The following CDH10 variants were observed in gnomAD, a reference collection of about 807,000 sequenced individuals.
CDH10 encodes cadherin-10.
CDH10 carries 30 observed loss-of-function variants against 73.1 expected under a neutral mutation model. The ratio of observed to expected loss-of-function variants is 0.41; its 90% CI spans 0.31 to 0.56. CDH10 has a LOEUF of 0.56. Among genes scored for constraint, CDH10 ranks in the 20% least tolerant of loss-of-function variants. CDH10 has a pLI of 0.27. For missense variants in CDH10, 815 were observed against 973.7 expected, an observed-to-expected ratio of 0.84 and a Z score of 2.17; for synonymous variants, 345 against 348.2, an observed-to-expected ratio of 0.99 and a Z score of 0.10.
intron 8 of CDH10, among the ~76,000 whole-genome samples, chr5:24,501,113 G>A (rs1201339892): frequency 6.6e-6 from 1 of 152,088 alleles, no homozygotes; most frequent in African/African-American, 2.4e-5. Context: ...TAATTATATA[G>A]TGAGTGGACA....
At chr5:24,502,078 T>C (rs950616890) in intron 8 of CDH10, among the ~76,000 whole-genome samples, 27 of 134,782 alleles carry the variant, frequency 2.0e-4, no homozygotes, top group Non-Finnish European at 3.5e-4. Flanking sequence ...CGCCACTACG[T>C]CCGGCTCATT....
At chr5:24,602,701 T>C (rs369389967) in intron 1 of CDH10, among the ~76,000 whole-genome samples, 3 of 152,274 alleles carry the variant, frequency 2.0e-5, no homozygotes, top group Middle Eastern at 6.8e-3. Flanking sequence ...AAATTTCTTT[T>C]TGAGTTTATT....
At chr5:24,506,244 C>T (rs1368950458) in intron 7 of CDH10, among the ~76,000 whole-genome samples, 3 of 152,052 alleles carry the variant, frequency 2.0e-5, no homozygotes, top group Admixed American at 2.0e-4. Flanking sequence ...AACTATCCTG[C>T]AACTTGATTG....
intron 7 of CDH10, among the ~76,000 whole-genome samples, chr5:24,508,086 G>A (rs139433309): frequency 3.9e-5 from 6 of 152,254 alleles, no homozygotes; most frequent in Non-Finnish European, 5.9e-5. Flanking sequence ...GTAAGAGTGC[G>A]CTCAGAAAGT....
Position 24,522,925 on chromosome 5 carries a change from A to C in CDH10, c.815-11411T>G, listed in dbSNP as rs536946081. Among the ~76,000 whole-genome samples the C allele has an allele frequency of 7.2e-3, 1,102 of 152,314 alleles. 13 individuals are homozygous for C. The highest frequency in any genetic ancestry group is 0.026 in the African/African-American group (1,061 of 41,560). On this transcript the variant is annotated intron_variant, in intron 5 of 11. Coordinates refer to ENST00000264463, the MANE Select transcript of CDH10 (RefSeq NM_006727.5). ...CAGTTTGTGTCTTAAACAATAAAAA[A>C]AATTTCATACATTTAGTGCTGTAGT...
At chr5:24,640,946 C>T (rs1177883818) in intron 1 of CDH10, among the ~76,000 whole-genome samples, 2 of 151,800 alleles carry the variant, frequency 1.3e-5, no homozygotes, top group East Asian at 1.9e-4. Flanking sequence ...GAGAGTTAAG[C>T]AAAAGTTGTA....
intron 1 of CDH10, among the ~76,000 whole-genome samples, chr5:24,596,155 T>C (rs1314277223): frequency 6.6e-6 from 1 of 152,034 alleles, no homozygotes; most frequent in African/African-American, 2.4e-5. Flanking sequence ...CTGCAGTTAG[T>C]TCTTCCTAGT....
At chr5:24,500,324 G>A (rs1289469049) in intron 8 of CDH10, among the ~76,000 whole-genome samples, 1 of 152,154 alleles carries the variant, frequency 6.6e-6, no homozygotes, top group African/African-American at 2.4e-5. Flanking sequence ...AATAAAGAAA[G>A]GCAGACAGAA....
chr5:24,493,051 C>T, intron 9 of CDH10, 126 bp from the exon 10 acceptor site: 1 of 565,804 alleles, frequency 1.8e-6, no homozygotes, highest in Non-Finnish European at 3.2e-6. Flanking sequence ...TGAATGTATC[C>T]TTGAGTTAAT....
At chr5:24,580,633 G>A (rs1251392436) in intron 2 of CDH10, among the ~76,000 whole-genome samples, 1 of 152,150 alleles carries the variant, frequency 6.6e-6, no homozygotes, top group African/African-American at 2.4e-5. Context: ...GTAACATAGA[G>A]TAAAAGTCAG....
intron 2 of CDH10, among the ~76,000 whole-genome samples, chr5:24,548,384 A>AT (rs1394364835): frequency 1.3e-5 from 2 of 151,130 alleles, no homozygotes; most frequent in Admixed American, 6.6e-5. Flanking sequence ...GCCTCCCAAA[A>AT]TGCTGGGATT....
At chr5:24,572,987 G>T (rs1313813086) in intron 2 of CDH10, among the ~76,000 whole-genome samples, 1 of 130,364 alleles carries the variant, frequency 7.7e-6, no homozygotes, top group African/African-American at 2.8e-5. Flanking sequence ...ACAAAAAGAC[G>T]TACACAAAAA....
intron 9 of CDH10, among the ~76,000 whole-genome samples, chr5:24,495,351 C>A (rs1306937783): frequency 6.6e-6 from 1 of 152,148 alleles, no homozygotes; most frequent in Non-Finnish European, 1.5e-5. Context: ...TAATTGATTT[C>A]TGTCTTCACT....
At chr5:24,596,591 C>G (rs551780492) in intron 1 of CDH10, among the ~76,000 whole-genome samples, 1 of 152,036 alleles carries the variant, frequency 6.6e-6, no homozygotes, top group Non-Finnish European at 1.5e-5. Context: ...AGATTAACAT[C>G]AAAACTTTAT....
chr5:24,594,845 T>C (rs2112098454), intron 1 of CDH10, among the ~76,000 whole-genome samples: 1 of 152,086 alleles, frequency 6.6e-6, no homozygotes, highest in African/African-American at 2.4e-5. Flanking sequence ...CAATCCCATG[T>C]AGGAAGATAA....
At chr5:24,569,041 C>T (rs763377543) in intron 2 of CDH10, among the ~76,000 whole-genome samples, 1 of 151,540 alleles carries the variant, frequency 6.6e-6, no homozygotes, top group Non-Finnish European at 1.5e-5. Context: ...ACACAAGAGG[C>T]GGAGCTTGCA....
At chr5:24,592,482 T>G (rs1422978978) in intron 2 of CDH10, among the ~76,000 whole-genome samples, 1 of 151,874 alleles carries the variant, frequency 6.6e-6, no homozygotes, top group Non-Finnish European at 1.5e-5. Context: ...TAAGCCTTTA[T>G]CTAACTTCAA....
At chr5:24,642,679 T>A (rs1386388122) in intron 1 of CDH10, among the ~76,000 whole-genome samples, 1 of 152,254 alleles carries the variant, frequency 6.6e-6, no homozygotes, top group East Asian at 1.9e-4. Context: ...TCAAGGAACA[T>A]CACCTAGAGC....
At chr5:24,509,218 CA>C (rs1742805598) in intron 7 of CDH10, among the ~76,000 whole-genome samples, 4 of 114,510 alleles carry the variant, frequency 3.5e-5, no homozygotes, top group African/African-American at 6.5e-5. Context: ...TCATTTTAAA[CA>C]ACATTTTGTT....
Sources: allele counts gnomAD v4.1 joint callset (sites outside exome capture counted in the v4.1 genomes callset), GRCh38; gene constraint gnomAD v4.1.1; transcripts MANE v1.5; gene names NCBI Gene and HGNC (gene_info 2026-07-23, HGNC 2026-07-21).